Variants in EDARADD observed in about 807,000 individuals in gnomAD.
EDARADD encodes ectodysplasin-A receptor-associated adapter protein.
In EDARADD, 20 loss-of-function variants were observed where a neutral mutation model predicts 25.6. The ratio of observed to expected loss-of-function variants is 0.78; its 90% CI spans 0.55 to 1.14. EDARADD has a LOEUF of 1.14. Ranked by LOEUF, EDARADD falls within the 50% of genes most tolerant of loss-of-function variation. EDARADD has a pLI of 0.00. For missense variants in EDARADD, 225 were observed against 270.1 expected (o/e 0.83, Z 1.17); for synonymous variants, 86 against 94.4 (o/e 0.91, Z 0.52).
intron 4 of EDARADD, among the ~76,000 whole-genome samples, chr1:236,439,036 A>G (rs1658336519): frequency 6.6e-6 from 1 of 152,178 alleles, no homozygotes; most frequent in Non-Finnish European, 1.5e-5. Context: ...CTGACCAACA[A>G]CTGACCTTTT....
intron 4 of EDARADD, among the ~76,000 whole-genome samples, chr1:236,465,420 T>A (rs1659161139): frequency 6.6e-6 from 1 of 152,184 alleles, no homozygotes; most frequent in African/African-American, 2.4e-5. Flanking sequence ...TTCTGAATCA[T>A]CTCCCTCTTG....
intron 4 of EDARADD, among the ~76,000 whole-genome samples, chr1:236,449,462 C>A (rs1273566203): frequency 1.3e-5 from 2 of 152,240 alleles, no homozygotes; most frequent in Admixed American, 1.3e-4. Flanking sequence ...TAAGTCTTAG[C>A]ATCCAGGGTA....
At chr1:236,405,822 TTTCCTTCCTTCCTTCCTTCC>T (rs780077696) in intron 1 of EDARADD, among the ~76,000 whole-genome samples, 3 of 55,478 alleles carry the variant, frequency 5.4e-5, no homozygotes, top group African/African-American at 2.3e-4. Context: ...CCTTCCTTCC[TTTCCTTCCTTCCTTCCTTCC>T]TTCCTTCCTT....
At chr1:236,458,660 T>G (rs1658949856) in intron 4 of EDARADD, among the ~76,000 whole-genome samples, 2 of 139,960 alleles carry the variant, frequency 1.4e-5, no homozygotes, top group African/African-American at 2.6e-5. Context: ...TTTTTTTTTT[T>G]GAGACGGAGT....
At chr1:236,394,027 A>G (rs1667469420), upstream of EDARADD, among the ~76,000 whole-genome samples, 1 of 151,756 alleles carries the variant, frequency 6.6e-6, no homozygotes, top group Admixed American at 6.6e-5. Context: ...AAAATATACC[A>G]CCATCTTCTA....
intron 3 of EDARADD, among the ~76,000 whole-genome samples, chr1:236,382,093 T>C (rs1667309752): frequency 6.6e-6 from 1 of 152,172 alleles, no homozygotes; most frequent in Admixed American, 6.5e-5. Flanking sequence ...AAAAAATTTT[T>C]GGCCATTATT....
intron 4 of EDARADD, among the ~76,000 whole-genome samples, chr1:236,458,252 G>C (rs192912188): frequency 6.6e-6 from 1 of 152,348 alleles, no homozygotes; most frequent in Non-Finnish European, 1.5e-5. Context: ...AGAGCTGCGG[G>C]TAACTCCCAT....
At chr1:236,392,256 T>C (rs1438151850), upstream of EDARADD, among the ~76,000 whole-genome samples, 4 of 152,182 alleles carry the variant, frequency 2.6e-5, no homozygotes, top group Non-Finnish European at 5.9e-5. Context: ...ATAAACTAAA[T>C]TCCAAGGAAA....
intron 4 of EDARADD, among the ~76,000 whole-genome samples, chr1:236,458,346 C>T (rs531863627): frequency 7.4e-6 from 1 of 134,950 alleles, no homozygotes; most frequent in African/African-American, 2.6e-5. Context: ...AAGAGAGAGT[C>T]CTGGCCTTAA....
chr1:236,394,359 C>T lies in EDARADD; in HGVS notation c.-86C>T. The T allele has an allele frequency of 6.9e-7, 1 of 1,451,974 alleles. No homozygotes were observed. The highest frequency in any genetic ancestry group is 9.7e-7 in the Non-Finnish European group (1 of 1,033,822). The allele number at this position is 1,451,974 out of a possible 1,614,324, so 89.9% of individuals were successfully genotyped here. A position where few individuals can be genotyped will look rare whatever the true frequency, so the allele number is the denominator to read the frequency against. On this transcript the variant is annotated 5_prime_UTR_variant, in exon 1 of 6. Coordinates refer to ENST00000334232, the MANE Select transcript of EDARADD (RefSeq NM_145861.4). ...TTCATCTAGAAGGTTTGACTCTGGC[C>T]AGACAACCAGCGAGCATCTTCTCGC...
chr1:236,470,813 G>T (rs564284693), intron 5 of EDARADD, among the ~76,000 whole-genome samples: 47 of 152,098 alleles, frequency 3.1e-4, no homozygotes, highest in African/African-American at 1.1e-3. Flanking sequence ...TTGCCATGTT[G>T]GCCAGGTTGG....
intron 4 of EDARADD, among the ~76,000 whole-genome samples, chr1:236,467,525 G>A (rs556762038): frequency 1.4e-4 from 21 of 151,536 alleles, no homozygotes; most frequent in African/African-American, 4.4e-4. Flanking sequence ...TTGTAAAAAT[G>A]GAGCCCTAAT....
At position 236,398,931 on chromosome 1, in the gene EDARADD, G is replaced by A. The variant is rs115333920; in HGVS notation, c.61+4426G>A. 4.0e-3 allele frequency among the ~76,000 whole-genome samples: 615 copies of A among 152,246 alleles called. 5 individuals are homozygous for A. The highest frequency in any genetic ancestry group is 0.021 in the East Asian group (107 of 5,176). The stretch of plus-strand genomic sequence containing the variant: ...TCCCTAACACTCAGCATAGTACTCC[G>A]CACATAGTAAGCCCTGGGCAAATAC... On this transcript the variant is annotated intron_variant, in intron 1 of 5. Transcript: ENST00000334232. The surrounding 1 kb of genome is among the most constrained non-coding windows in gnomAD (Gnocchi z 4.1).
intron 4 of EDARADD, among the ~76,000 whole-genome samples, chr1:236,447,710 T>G (rs896280662): frequency 4.0e-5 from 6 of 151,140 alleles, no homozygotes; most frequent in African/African-American, 1.5e-4. Context: ...AAGTGCCTAT[T>G]AGTTAGTGGC....
intron 3 of EDARADD, among the ~76,000 whole-genome samples, chr1:236,421,762 C>A (rs1323714997): frequency 6.6e-6 from 1 of 152,052 alleles, no homozygotes; most frequent in Non-Finnish European, 1.5e-5. Context: ...GCATTGGCCT[C>A]CCAAAGTGCT....
At chr1:236,412,904 C>T (rs534062442) in intron 2 of EDARADD, among the ~76,000 whole-genome samples, 5 of 152,192 alleles carry the variant, frequency 3.3e-5, no homozygotes, top group African/African-American at 4.8e-5. Flanking sequence ...ACTCTTGCTC[C>T]GTTGCTCAGG....
intron 4 of EDARADD, among the ~76,000 whole-genome samples, chr1:236,449,716 T>C (rs1038570807): frequency 6.6e-6 from 1 of 152,254 alleles, no homozygotes; most frequent in African/African-American, 2.4e-5. Context: ...TTAGCTGTGA[T>C]AGGTACTCGT....
intron 4 of EDARADD, among the ~76,000 whole-genome samples, chr1:236,446,757 A>T (rs1658547126): frequency 6.6e-6 from 1 of 152,140 alleles, no homozygotes; most frequent in South Asian, 2.1e-4. Context: ...TACATGTTTC[A>T]TTTCTGTAGG....
intron 4 of EDARADD, among the ~76,000 whole-genome samples, chr1:236,436,032 G>A (rs1330577284): frequency 1.3e-5 from 2 of 152,106 alleles, no homozygotes; most frequent in African/African-American, 2.4e-5. Context: ...AGCCAGGCAT[G>A]GTGACTCAGG....
Sources: allele counts gnomAD v4.1 joint callset (sites outside exome capture counted in the v4.1 genomes callset), GRCh38; gene constraint gnomAD v4.1.1; non-coding constraint Gnocchi (gnomAD v3.1); transcripts MANE v1.5; gene names NCBI Gene and HGNC (gene_info 2026-07-23, HGNC 2026-07-21).